Variants in UNC79 observed in about 807,000 individuals in gnomAD.
UNC79 encodes protein unc-79 homolog.
A neutral mutation model predicts 283.1 loss-of-function variants in UNC79; 37 were observed. That is an observed-to-expected ratio of 0.13 (90% CI 0.10 to 0.17). UNC79 has a LOEUF of 0.17. UNC79 is among the 10% of genes least tolerant of loss of function. The probability of loss-of-function intolerance (pLI) is 1.00; values close to 1 mark genes in which losing one functional copy is unlikely to be tolerated. For synonymous variants in UNC79, 1,107 were observed against 1,200.2 expected (o/e 0.92, Z 1.61); for missense variants, 2,272 against 3,211.1 (o/e 0.71, Z 7.07).
chr14:93,487,286 T>C (rs2058492905), intron 4 of UNC79, among the ~76,000 whole-genome samples: 1 of 152,212 alleles, frequency 6.6e-6, no homozygotes, highest in Non-Finnish European at 1.5e-5. Context: ...CCTTTTTATT[T>C]TCTCATTGGG....
At chr14:93,567,061 A>G (rs550248980) in intron 14 of UNC79, among the ~76,000 whole-genome samples, 3 of 152,296 alleles carry the variant, frequency 2.0e-5, no homozygotes, top group East Asian at 3.9e-4. Flanking sequence ...TTCTCTGTAC[A>G]TCGTGATCTG....
intron 26 of UNC79, among the ~76,000 whole-genome samples, chr14:93,611,269 TGA>T (rs1317127189): frequency 6.6e-6 from 1 of 152,206 alleles, no homozygotes; most frequent in African/African-American, 2.4e-5. Context: ...CAGAAAAGTG[TGA>T]GTGTCCTGGA....
intron 26 of UNC79, among the ~76,000 whole-genome samples, chr14:93,609,597 G>T (rs2066149597): frequency 6.6e-6 from 1 of 152,200 alleles, no homozygotes; most frequent in African/African-American, 2.4e-5. Context: ...GGTTAGGACA[G>T]ATATAGGAAT....
intron 1 of UNC79, among the ~76,000 whole-genome samples, chr14:93,337,945 A>G (rs2053615206): frequency 6.6e-6 from 1 of 152,026 alleles, no homozygotes; most frequent in Non-Finnish European, 1.5e-5. Context: ...GCTGGTGTCT[A>G]TGCCAGTGCC....
intron 1 of UNC79, among the ~76,000 whole-genome samples, chr14:93,390,979 T>C (rs1205924135): frequency 6.6e-6 from 1 of 152,258 alleles, no homozygotes. Context: ...CTAAACTTTA[T>C]TTGAAAATTA....
intron 10 of UNC79, among the ~76,000 whole-genome samples, chr14:93,530,013 T>G (rs1474391704): frequency 6.6e-6 from 1 of 151,870 alleles, no homozygotes; most frequent in South Asian, 2.1e-4. Flanking sequence ...AAATGAAAGG[T>G]GGAAAGAGCT....
chr14:93,519,409 T>C (rs1188236161), intron 7 of UNC79, among the ~76,000 whole-genome samples: 1 of 151,846 alleles, frequency 6.6e-6, no homozygotes, highest in African/African-American at 2.4e-5. Flanking sequence ...AATTTAGCTA[T>C]GTTTTTCACA....
chr14:93,520,082 G>A (rs1323211805), intron 7 of UNC79, among the ~76,000 whole-genome samples: 1 of 151,782 alleles, frequency 6.6e-6, no homozygotes, highest in Non-Finnish European at 1.5e-5. Flanking sequence ...TTCTTGTAGT[G>A]GAGCTCAGCT....
At chr14:93,654,981 C>T (rs2070766383) in intron 37 of UNC79, among the ~76,000 whole-genome samples, 1 of 152,242 alleles carries the variant, frequency 6.6e-6, no homozygotes, top group Non-Finnish European at 1.5e-5. Flanking sequence ...CACCTAACCA[C>T]ACCAATTGTA....
rs577050937 is a variant in UNC79 at position 93,582,214 on chromosome 14, C to T, written c.2673C>T (p.Asp891=). 5 of 1,614,136 alleles carry T rather than the reference C, an allele frequency of 3.1e-6. No homozygotes were observed. The Admixed American group carries it at 5.0e-5, about 16-fold the overall frequency. ...CCTGTTTATTTCAGGAGCCCACAGA[C>T]AGCCTGGAGGATAGCCTCCTTTCTT... The change falls in exon 20 of 49, where the codon GAC becomes GAT. Residue 891 remains aspartate (D), a synonymous_variant. Coordinates refer to ENST00000555664, the Ensembl canonical transcript of UNC79.
At chr14:93,603,137 T>C (rs1228161648) in intron 25 of UNC79, 102 bp from the exon 26 acceptor site, 1 of 1,350,908 alleles carries the variant, frequency 7.4e-7, no homozygotes, top group South Asian at 1.6e-5. Context: ...GAAAAATGTA[T>C]TTTAATATTG....
chr14:93,451,665 A>C (rs1035186066), intron 1 of UNC79, among the ~76,000 whole-genome samples: 5 of 152,132 alleles, frequency 3.3e-5, no homozygotes, highest in Non-Finnish European at 7.4e-5. Flanking sequence ...AATTGCTCTT[A>C]AACAGTTTTC....
At chr14:93,472,546 A>C (rs1181895199) in intron 2 of UNC79, among the ~76,000 whole-genome samples, 1 of 152,114 alleles carries the variant, frequency 6.6e-6, no homozygotes, top group East Asian at 1.9e-4. Flanking sequence ...TATTATTATC[A>C]ATTGTTTTCC....
At chr14:93,350,827 T>C (rs931127184) in intron 1 of UNC79, among the ~76,000 whole-genome samples, 3 of 151,878 alleles carry the variant, frequency 2.0e-5, no homozygotes, top group African/African-American at 7.3e-5. Context: ...ACACCTGAAA[T>C]TTTTTGCCTC....
At chr14:93,620,354 G>A (rs1596104048) in intron 29 of UNC79, among the ~76,000 whole-genome samples, 2 of 152,288 alleles carry the variant, frequency 1.3e-5, no homozygotes, top group Admixed American at 1.3e-4. Flanking sequence ...ATTATCAAAT[G>A]TAGAGTACAG....
At chr14:93,568,440 G>A (rs766995360) in intron 14 of UNC79, among the ~76,000 whole-genome samples, 4 of 152,020 alleles carry the variant, frequency 2.6e-5, no homozygotes, top group African/African-American at 9.7e-5. Context: ...TTGGGAGGCC[G>A]AGGAGCATGG....
intron 7 of UNC79, among the ~76,000 whole-genome samples, chr14:93,505,725 T>G: frequency 6.7e-6 from 1 of 149,962 alleles, no homozygotes; most frequent in South Asian, 2.1e-4. Flanking sequence ...CTTTTTTCTC[T>G]CTCTCTTTTT....
intron 5 of UNC79, among the ~76,000 whole-genome samples, chr14:93,490,992 A>C (rs1171527300): frequency 6.6e-6 from 1 of 152,212 alleles, no homozygotes; most frequent in Non-Finnish European, 1.5e-5. Flanking sequence ...TAAGCAATGC[A>C]CATTTGTTTC....
intron 14 of UNC79, among the ~76,000 whole-genome samples, chr14:93,556,624 G>A (rs1250344910): frequency 6.6e-6 from 1 of 151,804 alleles, no homozygotes; most frequent in Non-Finnish European, 1.5e-5. Flanking sequence ...TCTCATGCAG[G>A]GCAGTGAGGG....
Sources: gnomAD v4.1 joint callset for allele counts (sites outside exome capture counted in the v4.1 genomes callset) on GRCh38, gnomAD v4.1.1 for gene constraint, MANE v1.5 for transcripts, NCBI Gene and HGNC (gene_info 2026-07-23, HGNC 2026-07-21) for gene names.